The following STIM1 variants were observed in gnomAD, a reference collection of about 807,000 sequenced individuals.
STIM1 encodes stromal interaction molecule 1.
A neutral mutation model predicts 74.7 loss-of-function variants in STIM1; 25 were observed. The ratio of observed to expected loss-of-function variants is 0.33; its 90% CI spans 0.24 to 0.47. The LOEUF is 0.47. STIM1 is among the 20% of genes least tolerant of loss of function. STIM1 has a pLI of 1.00. For missense variants in STIM1, 728 were observed against 920.8 expected, an observed-to-expected ratio of 0.79 and a Z score of 2.71; for synonymous variants, 328 against 348.8, an observed-to-expected ratio of 0.94 and a Z score of 0.66.
intron 2 of STIM1, among the ~76,000 whole-genome samples, chr11:4,009,066 C>T (rs948972882): frequency 6.6e-6 from 1 of 151,190 alleles, no homozygotes; most frequent in East Asian, 1.9e-4. Context: ...CCGAGGCGGG[C>T]AGATCACGAG....
chr11:3,885,506 T>C (rs1378734830), intron 1 of STIM1, among the ~76,000 whole-genome samples: 1 of 152,228 alleles, frequency 6.6e-6, no homozygotes, highest in Non-Finnish European at 1.5e-5. Flanking sequence ...AATTTGAGTT[T>C]GCTGAGAACT....
At chr11:4,090,395 G>A (rs368972127) in intron 12 of STIM1, among the ~76,000 whole-genome samples, 35 of 152,234 alleles carry the variant, frequency 2.3e-4, no homozygotes, top group African/African-American at 7.9e-4. Context: ...TACATTCTCC[G>A]TCAGCAGAGT....
chr11:4,091,976 T>A lies in STIM1; in HGVS notation c.*178T>A. 1 of 860,922 alleles carries A rather than the reference T, an allele frequency of 1.2e-6. No homozygotes were observed. The highest frequency in any genetic ancestry group is 1.8e-6 in the Non-Finnish European group (1 of 553,926). 53.3% of individuals were successfully genotyped at this position (860,922 alleles called of 1,614,324 possible). A position where few individuals can be genotyped will look rare whatever the true frequency, so the allele number is the denominator to read the frequency against. On this transcript the variant is annotated 3_prime_UTR_variant, in exon 13 of 13. Coordinates refer to ENST00000526596, the MANE Select transcript of STIM1 (RefSeq NM_001382567.1). The stretch of plus-strand genomic sequence containing the variant: ...CCTTGGGTCCTTCATTATTATTTAT[T>A]AACTGACCACCATGGCCTGCCTGCC...
At chr11:3,946,489 A>ATTTGAGAT (rs1404990290) in intron 1 of STIM1, among the ~76,000 whole-genome samples, 1 of 152,130 alleles carries the variant, frequency 6.6e-6, no homozygotes, top group African/African-American at 2.4e-5. Context: ...AGAAAGTAGC[A>ATTTGAGAT]TACTTTGAGA....
At chr11:3,883,017 TTG>T (rs1491528163) in intron 1 of STIM1, among the ~76,000 whole-genome samples, 22 of 142,106 alleles carry the variant, frequency 1.5e-4, no homozygotes, top group Non-Finnish European at 2.7e-4. Context: ...ACTAAGTTGT[TTG>T]TTTTTTTGTT....
chr11:4,017,579 A>G (rs1669766650), intron 2 of STIM1, among the ~76,000 whole-genome samples: 1 of 152,146 alleles, frequency 6.6e-6, no homozygotes, highest in Non-Finnish European at 1.5e-5. Flanking sequence ...TTATCTGATA[A>G]TGGGAGAAAA....
chr11:4,019,950 G>T (rs182697216), intron 2 of STIM1, among the ~76,000 whole-genome samples: 6 of 152,132 alleles, frequency 3.9e-5, no homozygotes, highest in African/African-American at 1.4e-4. Context: ...CCATCTCCCT[G>T]TCTACCCTTC....
chr11:3,955,351 T>G (rs1385504990), intron 1 of STIM1, among the ~76,000 whole-genome samples: 2 of 152,186 alleles, frequency 1.3e-5, no homozygotes, highest in East Asian at 3.8e-4. Flanking sequence ...ACATTAAAAA[T>G]GAGGGCATTT....
chr11:4,086,283 T>C (rs768791290), intron 11 of STIM1, 194 bp from the exon 12 acceptor site: 21 of 632,398 alleles, frequency 3.3e-5, no homozygotes, highest in Admixed American at 8.7e-5. Flanking sequence ...AAAACTGACC[T>C]GGGCACTTCA....
intron 1 of STIM1, among the ~76,000 whole-genome samples, chr11:3,927,281 G>A (rs2092800902): frequency 6.6e-6 from 1 of 152,154 alleles, no homozygotes; most frequent in South Asian, 2.1e-4. Flanking sequence ...AAGTAGAACT[G>A]TCACATATAC....
At position 4,091,455 on chromosome 11, in the gene STIM1, T is replaced by A. The variant is rs1230192111; in HGVS notation, c.1808T>A (p.Leu603Gln). The A allele has an allele frequency of 6.2e-7, 1 of 1,614,100 alleles. No homozygotes were observed. The highest frequency in any genetic ancestry group is 8.5e-7 in the Non-Finnish European group (1 of 1,180,040). The change falls in exon 13 of 13, where the codon CTG (leucine) becomes CAG (glutamine). Residue 603 changes from leucine (L) to glutamine (Q), a missense_variant. Around this residue, in one of 5 missense-constraint regions of STIM1, gnomAD observed 352 missense variants for 370.1 expected, o/e 0.95. Coordinates refer to ENST00000526596, the MANE Select transcript of STIM1 (RefSeq NM_001382567.1). ...GVHPGSLVEKLPDSPALAKKA... is the reference protein window; with the variant it reads ...GVHPGSLVEKQPDSPALAKKA... Reference sequence around the variant, plus strand: ...CACCCAGGGTCTCTGGTGGAGAAACTGCCTGACAGCCCTGCCCTGGCCAAG... The same window carrying A: ...CACCCAGGGTCTCTGGTGGAGAAACAGCCTGACAGCCCTGCCCTGGCCAAG...
intron 4 of STIM1, among the ~76,000 whole-genome samples, chr11:4,058,324 T>G (rs2094306512): frequency 6.6e-6 from 1 of 152,192 alleles, no homozygotes; most frequent in African/African-American, 2.4e-5. Flanking sequence ...AGTGCCTCAC[T>G]GCGTCTCTTA....
chr11:3,938,063 A>G (rs1469640292), intron 1 of STIM1, among the ~76,000 whole-genome samples: 1 of 151,590 alleles, frequency 6.6e-6, no homozygotes, highest in Non-Finnish European at 1.5e-5. Flanking sequence ...CCTCCCGAGT[A>G]GCTGGGTTTA....
At chr11:3,859,331 C>T (rs1281182876) in intron 1 of STIM1, among the ~76,000 whole-genome samples, 1 of 152,180 alleles carries the variant, frequency 6.6e-6, no homozygotes, top group African/African-American at 2.4e-5. Context: ...TCTTTAATAC[C>T]TGTACACCCA....
chr11:3,976,143 A>C (rs2093446219), intron 2 of STIM1, among the ~76,000 whole-genome samples: 1 of 152,274 alleles, frequency 6.6e-6, no homozygotes, highest in Admixed American at 6.5e-5. Context: ...ATATAAAGGC[A>C]TGAATTTTTT....
intron 3 of STIM1, among the ~76,000 whole-genome samples, chr11:4,042,385 C>T (rs1357819154): frequency 6.6e-6 from 1 of 152,100 alleles, no homozygotes; most frequent in African/African-American, 2.4e-5. Flanking sequence ...CTTAATTGTT[C>T]TTTATTATAC....
At chr11:3,857,517 C>A (rs1445599574) in intron 1 of STIM1, among the ~76,000 whole-genome samples, 1 of 151,970 alleles carries the variant, frequency 6.6e-6, no homozygotes, top group Admixed American at 6.6e-5. Context: ...GTGTGAGCCA[C>A]TGTACCCATC....
chr11:3,930,929 C>G (rs1274142337), intron 1 of STIM1, among the ~76,000 whole-genome samples: 1 of 152,232 alleles, frequency 6.6e-6, no homozygotes, highest in Non-Finnish European at 1.5e-5. Flanking sequence ...ATACAGGACA[C>G]TGCCTCTCTG....
chr11:3,995,881 AT>A (rs1021920694), intron 2 of STIM1, among the ~76,000 whole-genome samples: 1 of 149,310 alleles, frequency 6.7e-6, no homozygotes, highest in Non-Finnish European at 1.5e-5. Flanking sequence ...TAATTTTTAA[AT>A]TTTTTGTGAA....
Sources: gnomAD v4.1 joint callset for allele counts (sites outside exome capture counted in the v4.1 genomes callset) on GRCh38, gnomAD v4.1.1 for gene constraint, gnomAD v4.1.1 regional missense constraint, MANE v1.5 for transcripts, NCBI Gene and HGNC (gene_info 2026-07-23, HGNC 2026-07-21) for gene names.